Variants in DNER observed in about 807,000 individuals in gnomAD.
DNER encodes delta and Notch-like epidermal growth factor-related receptor.
Under a neutral mutation model 78.2 loss-of-function variants are expected in DNER, and 33 were observed. The observed-to-expected ratio is 0.42, with a 90% CI of 0.32 to 0.56. DNER has a LOEUF of 0.56. Among genes scored for constraint, DNER ranks in the 20% least tolerant of loss-of-function variants. The pLI is 0.11. For synonymous variants in DNER, 417 were observed against 384.8 expected, an observed-to-expected ratio of 1.08 and a Z score of -0.98; for missense variants, 918 against 975.3, an observed-to-expected ratio of 0.94 and a Z score of 0.78.
At chr2:229,512,634 A>T in intron 6 of DNER, 149 bp downstream of exon 6, 1 of 1,035,652 alleles carries the variant, frequency 9.7e-7, no homozygotes, top group Non-Finnish European at 1.4e-6. Flanking sequence ...TTGGGTGATG[A>T]GTGCACCAAA....
chr2:229,588,365 T>C, intron 3 of DNER, 29 bp downstream of exon 3: 1 of 1,608,058 alleles, frequency 6.2e-7, no homozygotes, highest in East Asian at 2.2e-5. Context: ...GCATCACTCT[T>C]AACAGTTTGT....
intron 1 of DNER, among the ~76,000 whole-genome samples, chr2:229,623,766 C>T (rs1174268376): frequency 6.6e-6 from 1 of 152,188 alleles, no homozygotes; most frequent in East Asian, 1.9e-4. Context: ...GATATCTGGT[C>T]CCACTGCAGT....
intron 1 of DNER, among the ~76,000 whole-genome samples, chr2:229,661,793 C>A (rs1699015008): frequency 6.6e-6 from 1 of 152,156 alleles, no homozygotes; most frequent in Non-Finnish European, 1.5e-5. Context: ...CATTCAGACA[C>A]CATCATTTCA....
chr2:229,541,839 CAT>C (rs3085474), intron 5 of DNER, among the ~76,000 whole-genome samples: 3 of 146,710 alleles, frequency 2.0e-5, no homozygotes, highest in Admixed American at 6.9e-5. Context: ...TAAAACAAAT[CAT>C]ATATATATAT....
At chr2:229,450,734 CT>C (rs1244211929) in intron 7 of DNER, among the ~76,000 whole-genome samples, 1 of 152,228 alleles carries the variant, frequency 6.6e-6, no homozygotes, top group African/African-American at 2.4e-5. Context: ...GGGTGGCCCT[CT>C]GCAGGCCAAG....
intron 1 of DNER, among the ~76,000 whole-genome samples, chr2:229,631,019 T>C (rs780206053): frequency 2.6e-4 from 40 of 152,328 alleles, no homozygotes; most frequent in Admixed American, 4.6e-4. Context: ...TGTACCATAT[T>C]TTCTTTATCC....
rs371444227 is a variant in DNER at position 229,531,767 on chromosome 2, A to G, written c.993+15180T>C. The stretch of plus-strand genomic sequence containing the variant: ...AAAGGTAGAAACAACCCAAATGTCT[A>G]TCGGTGATAAATGGACCTTGTGGTA... On this transcript the variant is annotated intron_variant, in intron 5 of 12. Transcript: ENST00000341772. Among the ~76,000 whole-genome samples the G allele has an allele frequency of 8.5e-5, 13 of 152,356 alleles. No homozygotes were observed. The East Asian group carries it at 1.9e-3, about 23-fold the overall frequency.
At chr2:229,707,506 C>T (rs182936597) in intron 1 of DNER, among the ~76,000 whole-genome samples, 80 of 152,328 alleles carry the variant, frequency 5.3e-4, no homozygotes, top group Non-Finnish European at 2.5e-4. Flanking sequence ...CACAATCCCT[C>T]CTCATATGCC....
rs528407856 is a variant in DNER, at chr2:229,372,754, G to A, written c.1856-5635C>T. On this transcript the variant is annotated intron_variant, in intron 11 of 12. Coordinates refer to ENST00000341772, the MANE Select transcript of DNER (RefSeq NM_139072.4). ...GCTGGTTCAGAGGCTCCTGTAGGAC[G>A]GGGCAGGGTTAGTGGTAACTTGACC... is the stretch of plus-strand genomic sequence containing the variant. Among the ~76,000 whole-genome samples the A allele has an allele frequency of 6.6e-5, 10 of 152,228 alleles. No individual in the cohort carries two copies. The East Asian group carries it at 1.2e-3, about 18-fold the overall frequency.
intron 7 of DNER, among the ~76,000 whole-genome samples, chr2:229,458,135 C>CAAAAAAAAAAAAA (rs61340733): frequency 1.7e-4 from 3 of 17,718 alleles, no homozygotes; most frequent in African/African-American, 2.1e-4. Flanking sequence ...GACTCTATCT[C>CAAAAAAAAAAAAA]AAAAAAAAAA....
chr2:229,679,299 C>A (rs1384684872), intron 1 of DNER, among the ~76,000 whole-genome samples: 2 of 151,982 alleles, frequency 1.3e-5, no homozygotes. Flanking sequence ...TAATTTTCAC[C>A]TTTTGCCTAA....
intron 6 of DNER, among the ~76,000 whole-genome samples, chr2:229,496,986 A>T (rs528041819): frequency 6.6e-6 from 1 of 152,162 alleles, no homozygotes; most frequent in Non-Finnish European, 1.5e-5. Context: ...TCCACCCAAC[A>T]GCAGCAGCAT....
chr2:229,650,576 T>C (rs977961330), intron 1 of DNER, among the ~76,000 whole-genome samples: 17 of 152,176 alleles, frequency 1.1e-4, no homozygotes, highest in African/African-American at 4.1e-4. Context: ...ATTTGGATGC[T>C]AAATCTCAGC....
At chr2:229,560,068 C>G (rs749403525) in intron 4 of DNER, among the ~76,000 whole-genome samples, 4 of 152,176 alleles carry the variant, frequency 2.6e-5, no homozygotes, top group Non-Finnish European at 5.9e-5. Context: ...ATGGAGTGGT[C>G]AAGCATCAGT....
intron 9 of DNER, among the ~76,000 whole-genome samples, chr2:229,416,641 C>T (rs2106348447): frequency 6.6e-6 from 1 of 152,292 alleles, no homozygotes; most frequent in East Asian, 1.9e-4. Context: ...CATGCACTTC[C>T]TCTCTATAAG....
intron 5 of DNER, among the ~76,000 whole-genome samples, chr2:229,546,288 T>C (rs1215075782): frequency 6.6e-6 from 1 of 152,194 alleles, no homozygotes; most frequent in Non-Finnish European, 1.5e-5. Context: ...CAAACTGAAA[T>C]CTTCAGTCCT....
chr2:229,465,793 G>A (rs1559359044), intron 7 of DNER, among the ~76,000 whole-genome samples: 1 of 152,014 alleles, frequency 6.6e-6, no homozygotes, highest in Non-Finnish European at 1.5e-5. Context: ...GCAGAGATTC[G>A]AAAGGCAGGG....
At chr2:229,569,588 T>C (rs1284554545) in intron 4 of DNER, among the ~76,000 whole-genome samples, 1 of 152,196 alleles carries the variant, frequency 6.6e-6, no homozygotes, top group African/African-American at 2.4e-5. Flanking sequence ...GGATATAACC[T>C]ATGCACATCT....
rs1574903643 is a variant in DNER, at chr2:229,562,062, C to T, written c.848-14970G>A. 2.0e-5 allele frequency among the ~76,000 whole-genome samples: 3 copies of T among 152,180 alleles called. No homozygotes were observed. In the East Asian group the frequency reaches 5.8e-4, roughly 29 times the overall value. ...GTGTACTCTATCGGTCCTAGACCAACTACCTCTTGATGGTAACAGTGGGGA... is the reference window on the plus strand; with the variant it reads ...GTGTACTCTATCGGTCCTAGACCAATTACCTCTTGATGGTAACAGTGGGGA... On this transcript the variant is annotated intron_variant, in intron 4 of 12. Transcript: ENST00000341772.
Sources: allele counts gnomAD v4.1 joint callset (sites outside exome capture counted in the v4.1 genomes callset), GRCh38; gene constraint gnomAD v4.1.1; transcripts MANE v1.5; gene names NCBI Gene and HGNC (gene_info 2026-07-23, HGNC 2026-07-21).